Variants in PTPRQ observed in about 807,000 individuals in gnomAD.
PTPRQ encodes protein tyrosine phosphatase receptor type Q.
PTPRQ carries 199 observed loss-of-function variants against 246.0 expected under a neutral mutation model. The ratio of observed to expected loss-of-function variants is 0.81; its 90% CI spans 0.72 to 0.91. The LOEUF is 0.91. PTPRQ is among the 40% of genes least tolerant of loss of function. The pLI, the probability that PTPRQ is intolerant of heterozygous loss-of-function variation, is 0.00. For synonymous variants in PTPRQ, 869 were observed against 853.2 expected, an observed-to-expected ratio of 1.02 and a Z score of -0.32; for missense variants, 2,624 against 2,528.4, an observed-to-expected ratio of 1.04 and a Z score of -0.81.
Position 80,542,138 on chromosome 12 carries a change from C to T in PTPRQ, c.3495C>T (p.Thr1165=). Residue 1165 remains threonine, a synonymous_variant, in exon 22 of 45, where the codon ACC becomes ACT. Transcript: ENST00000644991. ...ACACTTTTAAAAACCTTTCCTCTAC[C>T]TCAGTTCTCTTATCATGGGATCCCC... ...IINTFKNLSS[T]SVLLSWDPPV... The T allele has an allele frequency of 6.4e-7, 1 of 1,550,680 alleles. No individual in the cohort carries two copies. Among genetic ancestry groups the T allele is most frequent in the Non-Finnish European group, 8.7e-7 (1 of 1,146,616 alleles).
intron 25 of PTPRQ, among the ~76,000 whole-genome samples, chr12:80,581,043 T>C (rs897444531): frequency 6.6e-6 from 1 of 152,186 alleles, no homozygotes; most frequent in Non-Finnish European, 1.5e-5. Context: ...CCAGCTATCC[T>C]AAAATCTGAA....
intron 35 of PTPRQ, among the ~76,000 whole-genome samples, chr12:80,643,083 G>GAGA (rs1899945331): frequency 6.6e-6 from 1 of 152,078 alleles, no homozygotes; most frequent in Non-Finnish European, 1.5e-5. Context: ...CTACACATAT[G>GAGA]AGAAGATATG....
At chr12:80,662,452 C>T (rs1900662489) in intron 39 of PTPRQ, among the ~76,000 whole-genome samples, 1 of 151,850 alleles carries the variant, frequency 6.6e-6, no homozygotes, top group Non-Finnish European at 1.5e-5. Flanking sequence ...TTCAAATGGA[C>T]CTGAGTTCAA....
At chr12:80,569,652 T>C (rs1331417961) in intron 25 of PTPRQ, among the ~76,000 whole-genome samples, 2 of 151,880 alleles carry the variant, frequency 1.3e-5, no homozygotes, top group African/African-American at 2.4e-5. Context: ...GTTTCTTACA[T>C]AGGTATATGC....
Position 80,460,765 on chromosome 12 carries a change from TC to T in PTPRQ, c.774del (p.Ser259AlafsTer11). The T allele has an allele frequency of 2.5e-6, 1 of 400,590 alleles. No homozygotes were observed. The highest frequency in any genetic ancestry group is 3.6e-5 in the East Asian group (1 of 28,072). 24.8% of individuals were successfully genotyped at this position (400,590 alleles called of 1,614,324 possible). On this transcript the variant is annotated frameshift_variant, in exon 6 of 45. Coordinates refer to ENST00000644991, the MANE Select transcript of PTPRQ (RefSeq NM_001145026.2). LOFTEE classifies it high-confidence loss of function. ...TCAAGCACGTTGACACAGAATGAGA[TC>T]AGCTCTGTGTGGAAAGAGCCTATCA... ...HSSSTLTQNE[I>X]SSVWKEPISF...
intron 20 of PTPRQ, 147 bp from the exon 21 acceptor site, chr12:80,541,408 A>G (rs1896146338): frequency 2.1e-6 from 1 of 479,248 alleles, no homozygotes; most frequent in African/African-American, 2.0e-5. Flanking sequence ...ATTTTATAAT[A>G]GGTGAATGTT....
intron 14 of PTPRQ, among the ~76,000 whole-genome samples, chr12:80,500,063 C>A (rs191820947): frequency 3.2e-4 from 49 of 151,942 alleles, no homozygotes; most frequent in Non-Finnish European, 2.7e-4. Flanking sequence ...TTTGTGTAGA[C>A]CCCCATAAAT....
intron 8 of PTPRQ, among the ~76,000 whole-genome samples, chr12:80,483,401 A>G (rs1894147154): frequency 7.2e-6 from 1 of 138,340 alleles, no homozygotes. Context: ...GGGGAGGGAT[A>G]GCATTGGGAG....
At chr12:80,482,790 G>C in intron 8 of PTPRQ, among the ~76,000 whole-genome samples, 1 of 149,672 alleles carries the variant, frequency 6.7e-6, no homozygotes, top group Non-Finnish European at 1.5e-5. Flanking sequence ...TATCATCACT[G>C]GCCATCAGAG....
chr12:80,471,635 G>A (rs866540424), intron 7 of PTPRQ, among the ~76,000 whole-genome samples: 1 of 136,454 alleles, frequency 7.3e-6, no homozygotes. Flanking sequence ...GCGCCACTAC[G>A]CCCGGCTAAT....
At chr12:80,569,868 T>A (rs1366037178) in intron 25 of PTPRQ, among the ~76,000 whole-genome samples, 1 of 152,066 alleles carries the variant, frequency 6.6e-6, no homozygotes, top group Non-Finnish European at 1.5e-5. Flanking sequence ...TTGCTGAGAA[T>A]GATGGTTTCC....
intron 8 of PTPRQ, among the ~76,000 whole-genome samples, chr12:80,477,505 G>C (rs556567904): frequency 6.6e-6 from 1 of 151,950 alleles, no homozygotes; most frequent in Non-Finnish European, 1.5e-5. Flanking sequence ...CTTACATTTC[G>C]AGAACAATGT....
chr12:80,479,141 C>T (rs1462821451), intron 8 of PTPRQ, among the ~76,000 whole-genome samples: 10 of 151,740 alleles, frequency 6.6e-5, no homozygotes, highest in Admixed American at 1.3e-4. Flanking sequence ...GTCGGGTTAC[C>T]CTCAAAGGGA....
intron 17 of PTPRQ, among the ~76,000 whole-genome samples, chr12:80,528,461 T>C (rs1895755042): frequency 1.0e-5 from 1 of 96,680 alleles, no homozygotes; most frequent in Non-Finnish European, 2.1e-5. Context: ...GAAAGAAGTA[T>C]TGTACATTTA....
chr12:80,600,831 A>G (rs966854553), intron 26 of PTPRQ, among the ~76,000 whole-genome samples: 4 of 151,784 alleles, frequency 2.6e-5, no homozygotes, highest in Non-Finnish European at 5.9e-5. Flanking sequence ...CCATCCTAAC[A>G]AAAGAAGACA....
intron 25 of PTPRQ, among the ~76,000 whole-genome samples, chr12:80,553,471 C>G (rs959789929): frequency 2.0e-5 from 3 of 152,014 alleles, no homozygotes; most frequent in Admixed American, 6.6e-5. Context: ...TTTATGTGGT[C>G]TAAGATTAGT....
intron 17 of PTPRQ, among the ~76,000 whole-genome samples, chr12:80,513,905 G>C (rs1895199492): frequency 6.6e-6 from 1 of 152,176 alleles, no homozygotes; most frequent in Admixed American, 6.5e-5. Flanking sequence ...CAGTGTGAAG[G>C]ATTTGAGAAA....
At chr12:80,465,760 G>T (rs1167907514) in intron 6 of PTPRQ, among the ~76,000 whole-genome samples, 3 of 152,028 alleles carry the variant, frequency 2.0e-5, no homozygotes, top group African/African-American at 7.2e-5. Context: ...AAAACCACAT[G>T]ATTATCTCAA....
intron 6 of PTPRQ, among the ~76,000 whole-genome samples, chr12:80,463,357 C>G (rs534666558): frequency 6.6e-6 from 1 of 152,064 alleles, no homozygotes; most frequent in Non-Finnish European, 1.5e-5. Context: ...CCAAGAAATA[C>G]GGGACTATGT....
Sources: allele counts gnomAD v4.1 joint callset (sites outside exome capture counted in the v4.1 genomes callset), GRCh38; gene constraint gnomAD v4.1.1; transcripts MANE v1.5; gene names NCBI Gene and HGNC (gene_info 2026-07-23, HGNC 2026-07-21).